Variants in TRPC4 observed in about 807,000 individuals in gnomAD.
TRPC4 encodes transient receptor potential cation channel subfamily C member 4, also known as short transient receptor potential channel 4.
A neutral mutation model predicts 99.4 loss-of-function variants in TRPC4; 49 were observed. The observed-to-expected ratio is 0.49, with a 90% CI of 0.39 to 0.63. The LOEUF (loss-of-function observed/expected upper bound fraction) is 0.63, where lower values mean the gene tolerates loss of function less well. TRPC4 is among the 20% of genes least tolerant of loss of function. The pLI, the probability that TRPC4 is intolerant of heterozygous loss-of-function variation, is 0.00. For missense variants in TRPC4, 898 were observed against 1,152.9 expected (o/e 0.78, Z 3.20); for synonymous variants, 454 against 425.9 (o/e 1.07, Z -0.81).
At chr13:37,821,482 C>G (rs1024424770) in intron 1 of TRPC4, among the ~76,000 whole-genome samples, 3 of 151,928 alleles carry the variant, frequency 2.0e-5, no homozygotes, top group Non-Finnish European at 4.4e-5. Flanking sequence ...CATATAGAAC[C>G]AAAGAAGAGT....
At chr13:37,644,672 C>T (rs191623971) in intron 8 of TRPC4, among the ~76,000 whole-genome samples, 8 of 151,898 alleles carry the variant, frequency 5.3e-5, no homozygotes, top group Admixed American at 5.2e-4. Context: ...AGCTCAAGAC[C>T]ATCCTGGCTA....
At position 37,760,276 on chromosome 13, in the gene TRPC4, T is replaced by G. The variant is rs139850283; in HGVS notation, c.379-13821A>C. 6.4e-4 allele frequency among the ~76,000 whole-genome samples: 98 copies of G among 152,074 alleles called. 1 individual carries two copies. Among genetic ancestry groups the G allele is most frequent in the Middle Eastern group, 3.4e-3 (1 of 294 alleles). On this transcript the variant is annotated intron_variant, in intron 2 of 10. Transcript: ENST00000379705. ...AGTATGCTTCCCATGGTCTGAGCAT[T>G]TCACCATTAAACTTTCCATACAGCT...
At chr13:37,707,949 ATCT>A (rs906369629) in intron 3 of TRPC4, among the ~76,000 whole-genome samples, 1 of 152,132 alleles carries the variant, frequency 6.6e-6, no homozygotes, top group African/African-American at 2.4e-5. Flanking sequence ...CACTTTGGAC[ATCT>A]TCTTGGACCT....
At chr13:37,657,418 C>T (rs146266590) in intron 6 of TRPC4, among the ~76,000 whole-genome samples, 208 of 152,294 alleles carry the variant, frequency 1.4e-3, no homozygotes, top group African/African-American at 4.7e-3. Context: ...TGGCCCATGG[C>T]CATGAATTCT....
chr13:37,709,574 T>C (rs1199019448), intron 3 of TRPC4, among the ~76,000 whole-genome samples: 1 of 151,918 alleles, frequency 6.6e-6, no homozygotes, highest in Non-Finnish European at 1.5e-5. Context: ...GTAGTCCCTT[T>C]TCCCCAACAC....
chr13:37,829,496 C>T (rs939585725), intron 1 of TRPC4, among the ~76,000 whole-genome samples: 8 of 152,058 alleles, frequency 5.3e-5, no homozygotes, highest in Admixed American at 2.6e-4. Flanking sequence ...TTGGTAAGGA[C>T]GAGGCGAAAT....
intron 1 of TRPC4, among the ~76,000 whole-genome samples, chr13:37,829,952 GA>G (rs1322389525): frequency 6.6e-6 from 1 of 152,156 alleles, no homozygotes; most frequent in Admixed American, 6.6e-5. Flanking sequence ...CATGGGAAAA[GA>G]AAGTAGATCA....
chr13:37,789,304 C>T (rs536625486), intron 1 of TRPC4, among the ~76,000 whole-genome samples: 2 of 152,262 alleles, frequency 1.3e-5, no homozygotes, highest in Non-Finnish European at 2.9e-5. Context: ...GCTTTTCCTT[C>T]CCTTGGGCAC....
chr13:37,800,371 C>T (rs894847510), intron 1 of TRPC4, among the ~76,000 whole-genome samples: 9 of 152,092 alleles, frequency 5.9e-5, no homozygotes, highest in South Asian at 2.1e-4. Context: ...ATCTGACTGA[C>T]GGTTTTATTG....
chr13:37,863,303 C>T lies in TRPC4; in HGVS notation c.-28+6292G>A, dbSNP rs1959512450. Among the ~76,000 whole-genome samples, 3 of 151,694 alleles carry T rather than the reference C, an allele frequency of 2.0e-5. No homozygotes were observed. The South Asian group carries it at 6.2e-4, about 32-fold the overall frequency. ...TCTAACCATTTTATAGGGACACTGA[C>T]ATATTCAAAAACAAATACTGTGGTC... On this transcript the variant is annotated intron_variant, in intron 1 of 10. Transcript: ENST00000379705.
At chr13:37,765,903 T>A (rs1956351425) in intron 2 of TRPC4, among the ~76,000 whole-genome samples, 1 of 151,488 alleles carries the variant, frequency 6.6e-6, no homozygotes, top group Non-Finnish European at 1.5e-5. Context: ...GAACATGTAC[T>A]CAAATAATTC....
intron 2 of TRPC4, among the ~76,000 whole-genome samples, chr13:37,771,671 T>C (rs1297756601): frequency 6.6e-6 from 1 of 151,556 alleles, no homozygotes; most frequent in African/African-American, 2.4e-5. Flanking sequence ...GAAAAATTAA[T>C]AATAGACCAT....
chr13:37,745,906 A>T (rs749682774), intron 3 of TRPC4, 31 bp downstream of exon 3: 1 of 1,585,612 alleles, frequency 6.3e-7, no homozygotes, highest in Admixed American at 1.7e-5. Context: ...ACTCTATGGC[A>T]TTTTGATGGA....
chr13:37,688,506 G>A (rs1410216900), intron 4 of TRPC4, among the ~76,000 whole-genome samples: 3 of 152,114 alleles, frequency 2.0e-5, no homozygotes, highest in South Asian at 2.1e-4. Context: ...AGGCTTTAAA[G>A]TTAGAGAACT....
At chr13:37,668,240 TC>T (rs1056250415) in intron 5 of TRPC4, among the ~76,000 whole-genome samples, 1 of 152,208 alleles carries the variant, frequency 6.6e-6, no homozygotes, top group Admixed American at 6.5e-5. Context: ...GTTTGGTTTT[TC>T]CCCAAGCCTT....
At chr13:37,785,350 T>C (rs1295716228) in intron 1 of TRPC4, among the ~76,000 whole-genome samples, 1 of 152,048 alleles carries the variant, frequency 6.6e-6, no homozygotes, top group Non-Finnish European at 1.5e-5. Context: ...GCCATGACCT[T>C]CACAGTGTAA....
chr13:37,750,957 G>T (rs1487498908), intron 2 of TRPC4, among the ~76,000 whole-genome samples: 1 of 151,986 alleles, frequency 6.6e-6, no homozygotes, highest in Non-Finnish European at 1.5e-5. Flanking sequence ...TCAGATTCTG[G>T]TATCAATGTG....
chr13:37,789,010 G>A (rs916953441), intron 1 of TRPC4, among the ~76,000 whole-genome samples: 3 of 152,010 alleles, frequency 2.0e-5, no homozygotes, highest in East Asian at 1.9e-4. Context: ...CTTTCCAAAC[G>A]ATGTTACTGA....
intron 4 of TRPC4, among the ~76,000 whole-genome samples, chr13:37,690,023 T>C (rs1953629489): frequency 6.6e-6 from 1 of 152,190 alleles, no homozygotes. Flanking sequence ...ATTGTATCTA[T>C]AGTATTTTTC....
Sources: allele counts gnomAD v4.1 joint callset (sites outside exome capture counted in the v4.1 genomes callset), GRCh38; gene constraint gnomAD v4.1.1; transcripts MANE v1.5; gene names NCBI Gene and HGNC (gene_info 2026-07-23, HGNC 2026-07-21).